Variants in PDZRN4 observed in about 807,000 individuals in gnomAD.
PDZRN4 encodes the protein PDZ domain-containing RING finger protein 4.
In PDZRN4, 70 loss-of-function variants were observed where a neutral mutation model predicts 99.0. That is an observed-to-expected ratio of 0.71 (90% CI 0.58 to 0.86). PDZRN4 has a LOEUF of 0.86. Among genes scored for constraint, PDZRN4 ranks in the 40% least tolerant of loss-of-function variants. PDZRN4 has a pLI of 0.00. For missense variants in PDZRN4, 1,474 were observed against 1,331.2 expected, an observed-to-expected ratio of 1.11 and a Z score of -1.67; for synonymous variants, 551 against 501.6, an observed-to-expected ratio of 1.10 and a Z score of -1.32.
chr12:41,542,620 G>A (rs1190203359), intron 5 of PDZRN4, among the ~76,000 whole-genome samples: 1 of 152,148 alleles, frequency 6.6e-6, no homozygotes, highest in East Asian at 1.9e-4. Context: ...CTTGATTGAA[G>A]AACAGTATCA....
chr12:41,350,875 G>A (rs113792714), intron 3 of PDZRN4, among the ~76,000 whole-genome samples: 4,000 of 152,150 alleles, frequency 0.026, 74 homozygotes, highest in Middle Eastern at 0.061. Flanking sequence ...CTCCCTCTCA[G>A]GGTAGAAACA....
chr12:41,436,942 A>G (rs1013141912), intron 3 of PDZRN4, among the ~76,000 whole-genome samples: 1 of 152,210 alleles, frequency 6.6e-6, no homozygotes, highest in Non-Finnish European at 1.5e-5. Flanking sequence ...AAATACTATA[A>G]GCATTTGAAA....
intron 3 of PDZRN4, among the ~76,000 whole-genome samples, chr12:41,240,375 CTG>C (rs1951094430): frequency 6.6e-6 from 1 of 152,134 alleles, no homozygotes; most frequent in Admixed American, 6.5e-5. Context: ...GGTGTAATAA[CTG>C]TAGTTTTTCA....
chr12:41,369,124 A>G (rs1023270916), intron 3 of PDZRN4, among the ~76,000 whole-genome samples: 1 of 152,140 alleles, frequency 6.6e-6, no homozygotes, highest in African/African-American at 2.4e-5. Flanking sequence ...CTCATATAAA[A>G]ACAGTATTGA....
chr12:41,560,325 C>T (rs761068324), intron 7 of PDZRN4, among the ~76,000 whole-genome samples: 7 of 152,042 alleles, frequency 4.6e-5, no homozygotes, highest in Non-Finnish European at 1.0e-4. Context: ...AGCTATATTA[C>T]ATCTCATTTC....
Position 41,273,529 on chromosome 12 carries a change from C to T in PDZRN4, c.843+79341C>T, listed in dbSNP as rs184919212. The stretch of plus-strand genomic sequence containing the variant: ...TAACTGTAACTTACATATAGGGCAT[C>T]TCCCAGAGATGGGGGAAGTGATAAA... On this transcript the variant is annotated intron_variant, in intron 3 of 9. Coordinates refer to ENST00000402685, the MANE Select transcript of PDZRN4 (RefSeq NM_001164595.2). Among the ~76,000 whole-genome samples the T allele has an allele frequency of 1.9e-3, 286 of 152,144 alleles. 1 individual carries two copies. Among genetic ancestry groups the T allele is most frequent in the Non-Finnish European group, 1.4e-3 (95 of 67,966 alleles).
intron 3 of PDZRN4, among the ~76,000 whole-genome samples, chr12:41,244,176 C>T (rs1951118362): frequency 6.6e-6 from 1 of 152,090 alleles, no homozygotes; most frequent in South Asian, 2.1e-4. Flanking sequence ...TGGTAAATGG[C>T]CATTCTATTC....
intron 3 of PDZRN4, among the ~76,000 whole-genome samples, chr12:41,338,125 A>G (rs1951789041): frequency 6.6e-6 from 1 of 152,124 alleles, no homozygotes. Context: ...TAGAAAATCA[A>G]TGGAAGGAAC....
chr12:41,432,090 G>A (rs1952590922), intron 3 of PDZRN4, among the ~76,000 whole-genome samples: 1 of 152,134 alleles, frequency 6.6e-6, no homozygotes, highest in South Asian at 2.1e-4. Flanking sequence ...TATACTACCA[G>A]ACATATGATA....
chr12:41,524,556 A>T (rs1057495145), intron 5 of PDZRN4, among the ~76,000 whole-genome samples: 6 of 152,108 alleles, frequency 3.9e-5, no homozygotes, highest in African/African-American at 1.2e-4. Flanking sequence ...AAGGAGCTCA[A>T]TGTACTACGC....
At chr12:41,306,565 G>A (rs995818063) in intron 3 of PDZRN4, among the ~76,000 whole-genome samples, 4 of 152,102 alleles carry the variant, frequency 2.6e-5, no homozygotes, top group African/African-American at 4.8e-5. Flanking sequence ...TGTATCCAAC[G>A]GTCAGTCAGT....
intron 3 of PDZRN4, among the ~76,000 whole-genome samples, chr12:41,346,482 A>G (rs543473132): frequency 1.3e-3 from 197 of 151,988 alleles, no homozygotes; most frequent in Admixed American, 1.8e-3. Context: ...AATAAAATAA[A>G]ATAAAAATAA....
At chr12:41,477,748 A>G in intron 3 of PDZRN4, 1 of 709,282 alleles carries the variant, frequency 1.4e-6, no homozygotes, top group East Asian at 2.7e-5. Context: ...ACAGCCAAAT[A>G]AAAATATCCT....
chr12:41,245,968 T>C (rs1412252697), intron 3 of PDZRN4, among the ~76,000 whole-genome samples: 1 of 152,194 alleles, frequency 6.6e-6, no homozygotes, highest in African/African-American at 2.4e-5. Flanking sequence ...GGATCTTGTT[T>C]GCAATGTGGA....
At chr12:41,294,892 G>C (rs931502039) in intron 3 of PDZRN4, among the ~76,000 whole-genome samples, 2 of 151,958 alleles carry the variant, frequency 1.3e-5, no homozygotes, top group Non-Finnish European at 2.9e-5. Flanking sequence ...GAAAATGGGG[G>C]AAATTATCAA....
At chr12:41,546,290 C>T (rs898042497) in intron 5 of PDZRN4, among the ~76,000 whole-genome samples, 3 of 152,106 alleles carry the variant, frequency 2.0e-5, no homozygotes, top group Admixed American at 6.5e-5. Context: ...TTGAGGATTT[C>T]GGAACTCTGC....
At chr12:41,219,374 T>C (rs1431113) in intron 3 of PDZRN4, among the ~76,000 whole-genome samples, 104,853 of 151,840 alleles carry the variant, frequency 0.69, 36,469 homozygotes, top group South Asian at 0.75. Flanking sequence ...AGTCTTAAAC[T>C]TCAGATTATA....
chr12:41,520,606 A>G (rs950464666), intron 5 of PDZRN4, among the ~76,000 whole-genome samples: 40 of 146,878 alleles, frequency 2.7e-4, no homozygotes, highest in Non-Finnish European at 8.9e-5. Flanking sequence ...TCCAGTAAAC[A>G]TGCCTAAATA....
intron 3 of PDZRN4, among the ~76,000 whole-genome samples, chr12:41,204,243 C>T (rs1289683249): frequency 1.3e-5 from 2 of 151,890 alleles, no homozygotes; most frequent in African/African-American, 4.8e-5. Context: ...GGAAATCTAT[C>T]CCCTATGTCT....
Sources: allele counts gnomAD v4.1 joint callset (sites outside exome capture counted in the v4.1 genomes callset), GRCh38; gene constraint gnomAD v4.1.1; transcripts MANE v1.5; gene names NCBI Gene and HGNC (gene_info 2026-07-23, HGNC 2026-07-21).